Variants in CTNNA2 observed in about 807,000 individuals in gnomAD.
CTNNA2 encodes the protein catenin alpha-2.
In CTNNA2, 42 loss-of-function variants were observed where a neutral mutation model predicts 101.0. That is an observed-to-expected ratio of 0.42 (90% CI 0.32 to 0.54). The LOEUF is 0.54. Among genes scored for constraint, CTNNA2 ranks in the 20% least tolerant of loss-of-function variants. The probability of loss-of-function intolerance (pLI) is 0.14; values close to 1 mark genes in which losing one functional copy is unlikely to be tolerated. For synonymous variants in CTNNA2, 450 were observed against 456.4 expected (o/e 0.99, Z 0.18); for missense variants, 871 against 1,223.1 (o/e 0.71, Z 4.29).
chr2:79,989,422 A>C (rs1365024209), intron 7 of CTNNA2, among the ~76,000 whole-genome samples: 1 of 152,190 alleles, frequency 6.6e-6, no homozygotes, highest in Non-Finnish European at 1.5e-5. Context: ...TAGAAGTTCA[A>C]AACCAGCCTG....
At chr2:79,695,863 C>T (rs144787820) in intron 2 of CTNNA2, among the ~76,000 whole-genome samples, 6 of 152,034 alleles carry the variant, frequency 3.9e-5, no homozygotes, top group Non-Finnish European at 7.4e-5. Flanking sequence ...AAGAGGAGGT[C>T]TGCTCAGTTG....
intron 7 of CTNNA2, among the ~76,000 whole-genome samples, chr2:80,276,723 A>G (rs1370044714): frequency 6.6e-6 from 1 of 152,000 alleles, no homozygotes; most frequent in Admixed American, 6.6e-5. Flanking sequence ...CTTTTTAACA[A>G]CCAGATCTCA....
Position 79,515,719 on chromosome 2 carries a change from G to C in CTNNA2, c.-6+2512G>C, listed in dbSNP as rs139364134. 2.1e-3 allele frequency among the ~76,000 whole-genome samples: 327 copies of C among 152,302 alleles called. 2 individuals carry two copies. Among genetic ancestry groups the C allele is most frequent in the African/African-American group, 7.5e-3 (311 of 41,568 alleles). ...GAGCAACTAGTGTCTTTGAAAAGCA[G>C]CTTGCCTCCTTGACTATAATCCAGT... On this transcript the variant is annotated intron_variant, in intron 1 of 18. Coordinates refer to ENST00000402739, the MANE Select transcript of CTNNA2 (RefSeq NM_001282597.3).
chr2:79,195,055 G>A (rs1377163909), intron 1 of CTNNA2, among the ~76,000 whole-genome samples: 1 of 152,082 alleles, frequency 6.6e-6, no homozygotes, highest in Non-Finnish European at 1.5e-5. Flanking sequence ...GCATGCATTA[G>A]TATTCAGGTG....
chr2:80,475,955 G>C (rs567080431), intron 9 of CTNNA2, among the ~76,000 whole-genome samples: 1 of 151,894 alleles, frequency 6.6e-6, no homozygotes, highest in Non-Finnish European at 1.5e-5. Context: ...TGTTCCTATC[G>C]ACTAGAGCAA....
intron 3 of CTNNA2, among the ~76,000 whole-genome samples, chr2:79,796,394 CAAAAA>C (rs386390569): frequency 3.2e-5 from 3 of 94,820 alleles, no homozygotes; most frequent in African/African-American, 1.1e-4. Context: ...GACTCCGTCT[CAAAAA>C]AAAAAAAAAA....
At chr2:80,265,820 C>T (rs979981628) in intron 7 of CTNNA2, among the ~76,000 whole-genome samples, 1 of 152,142 alleles carries the variant, frequency 6.6e-6, no homozygotes, top group African/African-American at 2.4e-5. Context: ...TAGTGTTTCC[C>T]ATATCTGACC....
chr2:79,729,220 G>A lies in CTNNA2; in HGVS notation c.103-15167G>A, dbSNP rs1213128600. Among the ~76,000 whole-genome samples the A allele has an allele frequency of 5.3e-5, 8 of 152,170 alleles. No homozygotes were observed. In the South Asian group the frequency reaches 1.5e-3, roughly 28 times the overall value. ...GTTCAATTATTCTGACCTCATGTCC[G>A]GCACCCTTTCCCCTTGTGGTTGTAT... On this transcript the variant is annotated intron_variant, in intron 2 of 18. Coordinates refer to ENST00000402739, the MANE Select transcript of CTNNA2 (RefSeq NM_001282597.3).
intron 7 of CTNNA2, among the ~76,000 whole-genome samples, chr2:80,027,303 C>CA (rs917552944): frequency 6.6e-6 from 1 of 152,056 alleles, no homozygotes; most frequent in Admixed American, 6.5e-5. Flanking sequence ...AAAGAACAGA[C>CA]AAAAAAACCG....
chr2:79,722,849 G>T (rs982927637), intron 2 of CTNNA2, among the ~76,000 whole-genome samples: 7 of 152,058 alleles, frequency 4.6e-5, no homozygotes, highest in Admixed American at 3.3e-4. Flanking sequence ...AAACATCCAG[G>T]TTGTGACAGA....
At position 79,277,767 on chromosome 2, in the gene CTNNA2, C is replaced by T. The variant is rs1052234326; in HGVS notation, c.-405-34942C>T. Among the ~76,000 whole-genome samples, 5 of 152,114 alleles carry T rather than the reference C, an allele frequency of 3.3e-5. No homozygotes were observed. In the East Asian group the frequency reaches 5.8e-4, roughly 18 times the overall value. ...TGCTTTTAAGAATGGGAAAAAGTGG[C>T]GAATGGGACCATCATCATTACGTTA... On this transcript the variant is annotated intron_variant, in intron 2 of 21. Transcript: ENST00000466387.
At chr2:80,104,195 T>G (rs1700731688) in intron 7 of CTNNA2, among the ~76,000 whole-genome samples, 1 of 152,244 alleles carries the variant, frequency 6.6e-6, no homozygotes, top group African/African-American at 2.4e-5. Context: ...TGTACTTAGC[T>G]CCGCTCAAGA....
chr2:79,316,788 C>A (rs955828481), intron 3 of CTNNA2, among the ~76,000 whole-genome samples: 4 of 150,748 alleles, frequency 2.7e-5, no homozygotes, highest in Admixed American at 6.6e-5. Flanking sequence ...ATTTATTATC[C>A]CTAATAGTTC....
At chr2:80,527,650 G>A (rs745585640) in intron 9 of CTNNA2, among the ~76,000 whole-genome samples, 2 of 152,156 alleles carry the variant, frequency 1.3e-5, no homozygotes, top group Non-Finnish European at 2.9e-5. Flanking sequence ...CTTATGATGG[G>A]GCAAAGTTGG....
At chr2:79,289,682 T>C (rs1261229055) in intron 2 of CTNNA2, among the ~76,000 whole-genome samples, 1 of 152,108 alleles carries the variant, frequency 6.6e-6, no homozygotes, top group Admixed American at 6.5e-5. Flanking sequence ...GAGCCAGAGA[T>C]TGCAGTGAGC....
intron 3 of CTNNA2, among the ~76,000 whole-genome samples, chr2:79,785,646 G>A (rs1674782922): frequency 6.6e-6 from 1 of 151,922 alleles, no homozygotes; most frequent in African/African-American, 2.4e-5. Context: ...TTAATCCATG[G>A]GGGCAGGGAT....
chr2:79,239,966 C>G (rs1440072840), intron 2 of CTNNA2, among the ~76,000 whole-genome samples: 1 of 140,346 alleles, frequency 7.1e-6, no homozygotes, highest in Non-Finnish European at 1.5e-5. Flanking sequence ...GAGTTTCACT[C>G]TTATTGCCCA....
intron 2 of CTNNA2, among the ~76,000 whole-genome samples, chr2:79,202,942 G>A (rs899313237): frequency 1.3e-5 from 2 of 152,206 alleles, no homozygotes; most frequent in African/African-American, 2.4e-5. Context: ...AGTAAACAGA[G>A]ATCAATGTAG....
chr2:79,457,692 G>A (rs969553516), intron 4 of CTNNA2, among the ~76,000 whole-genome samples: 9 of 152,160 alleles, frequency 5.9e-5, no homozygotes, highest in Admixed American at 2.6e-4. Context: ...TTTCCCTAAG[G>A]AGGGAAAAAA....
Sources: allele counts gnomAD v4.1 joint callset (sites outside exome capture counted in the v4.1 genomes callset), GRCh38; gene constraint gnomAD v4.1.1; transcripts MANE v1.5; gene names NCBI Gene and HGNC (gene_info 2026-07-23, HGNC 2026-07-21).